Variants in SOX5 observed in about 807,000 individuals in gnomAD.
SOX5 encodes the protein transcription factor SOX-5.
A neutral mutation model predicts 92.0 loss-of-function variants in SOX5; 9 were observed. That is an observed-to-expected ratio of 0.10 (90% CI 0.06 to 0.17). The LOEUF (loss-of-function observed/expected upper bound fraction) is 0.17. Ranked by LOEUF, SOX5 falls within the 10% of genes least tolerant of loss-of-function variation. The pLI is 1.00. For missense variants in SOX5, 642 were observed against 944.5 expected (o/e 0.68, Z 4.20); for synonymous variants, 344 against 336.3 (o/e 1.02, Z -0.25).
intron 4 of SOX5, among the ~76,000 whole-genome samples, chr12:24,005,211 T>G (rs897652097): frequency 7.9e-5 from 12 of 152,024 alleles, no homozygotes; most frequent in African/African-American, 2.9e-4. Context: ...CTGAATTGTA[T>G]ACATAAAATT....
intron 1 of SOX5, among the ~76,000 whole-genome samples, chr12:24,451,271 C>CAT (rs767415609): frequency 4.3e-4 from 65 of 151,746 alleles, no homozygotes; most frequent in East Asian, 3.1e-3. Flanking sequence ...GCAGATATCT[C>CAT]ATATATATAT....
At chr12:23,628,922 T>C (rs899367247) in intron 8 of SOX5, among the ~76,000 whole-genome samples, 8 of 151,990 alleles carry the variant, frequency 5.3e-5, no homozygotes, top group African/African-American at 9.7e-5. Flanking sequence ...TTCTTGGTCC[T>C]TCTCTCAGAA....
At chr12:24,344,179 G>A (rs1368674265) in intron 2 of SOX5, among the ~76,000 whole-genome samples, 2 of 150,744 alleles carry the variant, frequency 1.3e-5, no homozygotes, top group East Asian at 3.9e-4. Context: ...GCTACTGGAG[G>A]AGCTGAGGCA....
intron 2 of SOX5, among the ~76,000 whole-genome samples, chr12:24,367,047 A>G (rs1355730440): frequency 6.6e-6 from 1 of 152,176 alleles, no homozygotes; most frequent in Admixed American, 6.5e-5. Flanking sequence ...AGACACATAT[A>G]AGAAAATCCA....
At chr12:24,166,553 TAA>T (rs1040829123) in intron 4 of SOX5, among the ~76,000 whole-genome samples, 1 of 152,186 alleles carries the variant, frequency 6.6e-6, no homozygotes, top group Non-Finnish European at 1.5e-5. Flanking sequence ...TAAGATCACC[TAA>T]GTTTTGATGA....
chr12:24,114,480 G>T (rs562089581), intron 4 of SOX5, among the ~76,000 whole-genome samples: 2 of 149,400 alleles, frequency 1.3e-5, no homozygotes, highest in South Asian at 4.3e-4. Flanking sequence ...GGAAGCTGAG[G>T]TGGGAGGATT....
intron 3 of SOX5, among the ~76,000 whole-genome samples, chr12:23,769,715 C>G (rs540244302): frequency 1.3e-5 from 2 of 152,262 alleles, no homozygotes; most frequent in Non-Finnish European, 2.9e-5. Flanking sequence ...GTGATCTTCT[C>G]TTTGCCAATA....
chr12:24,178,737 C>T (rs1955125208), intron 4 of SOX5, among the ~76,000 whole-genome samples: 4 of 152,156 alleles, frequency 2.6e-5, no homozygotes, highest in Admixed American at 2.6e-4. Context: ...CTGCTAAGTG[C>T]CAGGCATTGT....
chr12:23,971,121 CT>C (rs71059953), intron 4 of SOX5, among the ~76,000 whole-genome samples: 10 of 86,234 alleles, frequency 1.2e-4, no homozygotes, highest in African/African-American at 4.4e-4. Context: ...TGTCAGCTGA[CT>C]TTTTTTTTTT....
At chr12:24,269,874 A>G (rs1943499466) in intron 3 of SOX5, among the ~76,000 whole-genome samples, 1 of 119,526 alleles carries the variant, frequency 8.4e-6, no homozygotes, top group Non-Finnish European at 1.7e-5. Flanking sequence ...TTTTGAGACA[A>G]GGTCTTCCTA....
intron 4 of SOX5, among the ~76,000 whole-genome samples, chr12:24,149,444 T>C (rs1005811337): frequency 6.6e-6 from 1 of 152,152 alleles, no homozygotes; most frequent in Non-Finnish European, 1.5e-5. Context: ...CAAATAAGCA[T>C]ATGAAAATAT....
chr12:24,229,180 G>C (rs951616506), intron 3 of SOX5, among the ~76,000 whole-genome samples: 1 of 152,218 alleles, frequency 6.6e-6, no homozygotes, highest in Non-Finnish European at 1.5e-5. Flanking sequence ...CGCCGAGTTT[G>C]TGTGGAAGGG....
rs3031192 is a variant in SOX5, at chr12:24,361,611, T to TTGTG, written c.-174+6948_-174+6951dup. On this transcript the variant is annotated intron_variant, in intron 2 of 4. Transcript: ENST00000446891. ...AACAGTGATGAGGCTTTTTCAGGTT[T>TTGTG]TGTGTGTGTGTGTGTGTGTGTGCGC... 5.6e-4 allele frequency among the ~76,000 whole-genome samples: 84 copies of TTGTG among 150,392 alleles called. 1 individual carries two copies. The highest frequency in any genetic ancestry group is 9.0e-4 in the Non-Finnish European group (61 of 67,484).
intron 4 of SOX5, among the ~76,000 whole-genome samples, chr12:23,985,449 G>A (rs550297789): frequency 6.6e-6 from 1 of 152,076 alleles, no homozygotes; most frequent in African/African-American, 2.4e-5. Context: ...CCATCTCTAA[G>A]GGATAATGAG....
chr12:23,730,562 C>A (rs949001637), intron 6 of SOX5, among the ~76,000 whole-genome samples: 1 of 152,104 alleles, frequency 6.6e-6, no homozygotes, highest in African/African-American at 2.4e-5. Context: ...GGTGGGTCAA[C>A]CTGGCAGAAG....
At chr12:23,686,702 A>G (rs2087656408) in intron 6 of SOX5, among the ~76,000 whole-genome samples, 2 of 152,138 alleles carry the variant, frequency 1.3e-5, no homozygotes, top group African/African-American at 2.4e-5. Flanking sequence ...GAACAGGGCC[A>G]TAGCAAAAAA....
At chr12:23,981,339 T>C (rs1266951871) in intron 4 of SOX5, among the ~76,000 whole-genome samples, 1 of 152,174 alleles carries the variant, frequency 6.6e-6, no homozygotes, top group African/African-American at 2.4e-5. Context: ...TTCAATGAAA[T>C]GAAAAATAAG....
intron 2 of SOX5, among the ~76,000 whole-genome samples, chr12:23,858,426 C>T (rs867642807): frequency 5.9e-5 from 9 of 152,022 alleles, no homozygotes; most frequent in Middle Eastern, 3.2e-3. Context: ...ATGCACCCAA[C>T]AAGCATATGA....
At chr12:23,633,658 G>C (rs550944264) in intron 8 of SOX5, among the ~76,000 whole-genome samples, 1 of 152,060 alleles carries the variant, frequency 6.6e-6, no homozygotes, top group Non-Finnish European at 1.5e-5. Context: ...GGTAAACTCA[G>C]TGTATGGAGC....
Sources: gnomAD v4.1 joint callset for allele counts (sites outside exome capture counted in the v4.1 genomes callset) on GRCh38, gnomAD v4.1.1 for gene constraint, MANE v1.5 for transcripts, NCBI Gene and HGNC (gene_info 2026-07-23, HGNC 2026-07-21) for gene names.